KLHL1: variants seen among roughly 807,000 people sequenced by gnomAD.
KLHL1 encodes kelch like family member 1, also known as kelch-like protein 1.
A neutral mutation model predicts 77.7 loss-of-function variants in KLHL1; 47 were observed. The observed-to-expected ratio is 0.60, with a 90% CI of 0.48 to 0.77. KLHL1 has a LOEUF of 0.77. Among genes scored for constraint, KLHL1 ranks in the 30% least tolerant of loss-of-function variants. The probability of loss-of-function intolerance (pLI) is 0.00; values close to 1 mark genes in which losing one functional copy is unlikely to be tolerated. For synonymous variants in KLHL1, 360 were observed against 325.2 expected (o/e 1.11, Z -1.15); for missense variants, 925 against 910.8 (o/e 1.02, Z -0.20).
intron 7 of KLHL1, among the ~76,000 whole-genome samples, chr13:69,783,929 A>T (rs1454781087): frequency 6.6e-6 from 1 of 152,066 alleles, no homozygotes; most frequent in Non-Finnish European, 1.5e-5. Context: ...GCAGCCAGAG[A>T]GAAAGGAAGG....
chr13:69,887,333 G>C (rs976735926), intron 4 of KLHL1, among the ~76,000 whole-genome samples: 3 of 152,240 alleles, frequency 2.0e-5, no homozygotes, highest in East Asian at 3.9e-4. Flanking sequence ...CACAGTGGCT[G>C]TTTCCTCAGA....
At chr13:70,066,735 C>T (rs752285334) in intron 1 of KLHL1, among the ~76,000 whole-genome samples, 11 of 152,170 alleles carry the variant, frequency 7.2e-5, no homozygotes, top group East Asian at 1.9e-4. Flanking sequence ...GGAATTATAA[C>T]GGGTAATTTG....
At chr13:69,881,547 A>G (rs960927560) in intron 5 of KLHL1, among the ~76,000 whole-genome samples, 1 of 152,194 alleles carries the variant, frequency 6.6e-6, no homozygotes, top group African/African-American at 2.4e-5. Context: ...ACCAGCCAGA[A>G]ACCCTGAATT....
intron 1 of KLHL1, among the ~76,000 whole-genome samples, chr13:70,066,270 G>A (rs1028908107): frequency 2.0e-5 from 3 of 152,132 alleles, no homozygotes; most frequent in African/African-American, 7.2e-5. Context: ...TACTAATTTA[G>A]TCTGTCTAAG....
intron 4 of KLHL1, among the ~76,000 whole-genome samples, chr13:69,908,324 A>C (rs972214189): frequency 6.6e-6 from 1 of 151,798 alleles, no homozygotes; most frequent in South Asian, 2.1e-4. Context: ...GGGAAGATGC[A>C]GATTAAAGTG....
At chr13:69,787,537 G>A (rs1876620955) in intron 7 of KLHL1, among the ~76,000 whole-genome samples, 1 of 152,162 alleles carries the variant, frequency 6.6e-6, no homozygotes, top group African/African-American at 2.4e-5. Context: ...TTACATGTTA[G>A]ACCTAAAACC....
At chr13:69,857,560 C>A (rs774804284) in intron 5 of KLHL1, among the ~76,000 whole-genome samples, 1 of 151,974 alleles carries the variant, frequency 6.6e-6, no homozygotes, top group Non-Finnish European at 1.5e-5. Context: ...ATATGTATTT[C>A]CCTAGAATGT....
At chr13:69,822,947 T>A (rs143491732) in intron 6 of KLHL1, among the ~76,000 whole-genome samples, 33 of 152,058 alleles carry the variant, frequency 2.2e-4, no homozygotes, top group African/African-American at 7.5e-4. Context: ...AACTTTATGT[T>A]TTTATAACAA....
intron 4 of KLHL1, among the ~76,000 whole-genome samples, chr13:69,928,993 A>T (rs1327315210): frequency 1.3e-5 from 2 of 152,174 alleles, no homozygotes; most frequent in Non-Finnish European, 2.9e-5. Context: ...ATTATTGATC[A>T]TCTCTTATGC....
At chr13:69,834,038 GAC>G (rs1878880327) in intron 6 of KLHL1, among the ~76,000 whole-genome samples, 1 of 151,902 alleles carries the variant, frequency 6.6e-6, no homozygotes, top group African/African-American at 2.4e-5. Context: ...AAGCTATGAG[GAC>G]ACAAAGTCAT....
intron 4 of KLHL1, among the ~76,000 whole-genome samples, chr13:69,886,767 G>T (rs922479504): frequency 3.3e-5 from 5 of 152,044 alleles, no homozygotes; most frequent in Non-Finnish European, 5.9e-5. Flanking sequence ...TCTCTCTCAT[G>T]GAAGTCTACT....
intron 1 of KLHL1, among the ~76,000 whole-genome samples, chr13:69,985,789 T>G: frequency 6.8e-6 from 1 of 147,154 alleles, no homozygotes; most frequent in Non-Finnish European, 1.5e-5. Flanking sequence ...TATATATATA[T>G]ATATTTTATA....
intron 1 of KLHL1, among the ~76,000 whole-genome samples, chr13:70,047,318 A>C (rs1238350493): frequency 6.6e-6 from 1 of 151,450 alleles, no homozygotes; most frequent in Admixed American, 6.6e-5. Context: ...ACAAAAACAG[A>C]GACTGTATTC....
intron 8 of KLHL1, among the ~76,000 whole-genome samples, chr13:69,731,885 A>T (rs924717802): frequency 6.6e-6 from 1 of 152,178 alleles, no homozygotes; most frequent in African/African-American, 2.4e-5. Flanking sequence ...TAAATAGAAA[A>T]ACAAAGTAAA....
At chr13:70,071,685 G>GA (rs1593719829) in intron 1 of KLHL1, among the ~76,000 whole-genome samples, 1 of 152,014 alleles carries the variant, frequency 6.6e-6, no homozygotes, top group Admixed American at 6.6e-5. Flanking sequence ...AGGATAACTG[G>GA]AAAATCTCCA....
chr13:69,721,080 A>ATATATATATATATATATATATATAT (rs1873035874), intron 8 of KLHL1, among the ~76,000 whole-genome samples: 1 of 21,734 alleles, frequency 4.6e-5, no homozygotes, highest in Non-Finnish European at 1.3e-4. Context: ...TATATATATA[A>ATATATATATATATATATATATATAT]AGCTATGTAC....
chr13:69,941,316 T>C (rs747277618), intron 3 of KLHL1, among the ~76,000 whole-genome samples: 1 of 151,958 alleles, frequency 6.6e-6, no homozygotes, highest in Admixed American at 6.6e-5. Flanking sequence ...ACTATACAAA[T>C]GCATGGAAGT....
At chr13:69,927,804 T>C (rs1466662235) in intron 4 of KLHL1, among the ~76,000 whole-genome samples, 2 of 152,230 alleles carry the variant, frequency 1.3e-5, no homozygotes, top group Non-Finnish European at 2.9e-5. Context: ...TTATGAAATG[T>C]ACAGCTAGGT....
At chr13:69,864,697 C>A (rs534887533) in intron 5 of KLHL1, among the ~76,000 whole-genome samples, 15 of 152,202 alleles carry the variant, frequency 9.9e-5, no homozygotes, top group Non-Finnish European at 1.5e-5. Flanking sequence ...CAATTGTTTT[C>A]AAAAATCCTT....
Sources: allele counts gnomAD v4.1 joint callset (sites outside exome capture counted in the v4.1 genomes callset), GRCh38; gene constraint gnomAD v4.1.1; transcripts MANE v1.5; gene names NCBI Gene and HGNC (gene_info 2026-07-23, HGNC 2026-07-21).